FLNB: variants seen among roughly 807,000 people sequenced by gnomAD.
FLNB encodes the protein filamin B.
A neutral mutation model predicts 250.6 loss-of-function variants in FLNB; 111 were observed. The observed-to-expected ratio is 0.44, with a 90% CI of 0.38 to 0.52. The LOEUF is 0.52. FLNB is among the 20% of genes least tolerant of loss of function. The probability of loss-of-function intolerance (pLI) is 0.00; values close to 1 mark genes in which losing one functional copy is unlikely to be tolerated. For missense variants in FLNB, 2,869 were observed against 3,447.8 expected, an observed-to-expected ratio of 0.83 and a Z score of 4.20; for synonymous variants, 1,302 against 1,372.1, an observed-to-expected ratio of 0.95 and a Z score of 1.13.
chr3:58,125,134 T>G (rs1182536728), intron 22 of FLNB, among the ~76,000 whole-genome samples: 1 of 152,130 alleles, frequency 6.6e-6, no homozygotes, highest in East Asian at 1.9e-4. Flanking sequence ...TACTGTGGGA[T>G]TGTTTTGTTT....
chr3:58,052,486 G>A (rs527250300), intron 1 of FLNB, among the ~76,000 whole-genome samples: 6 of 152,172 alleles, frequency 3.9e-5, no homozygotes, highest in Non-Finnish European at 7.3e-5. Context: ...CACCCAGCCC[G>A]GTGAGTAAGA....
intron 16 of FLNB, 112 bp from the exon 17 acceptor site, chr3:58,111,679 C>A: frequency 1.3e-6 from 1 of 784,846 alleles, no homozygotes; most frequent in South Asian, 1.5e-5. Context: ...TAGAAGTCTG[C>A]TCACCACTCG....
chr3:58,148,660 A>G lies in FLNB; in HGVS notation c.5899A>G (p.Ile1967Val). 2 of 1,613,948 alleles carry G rather than the reference A, an allele frequency of 1.2e-6. No individual in the cohort carries two copies. Among genetic ancestry groups the G allele is most frequent in the Non-Finnish European group, 1.7e-6 (2 of 1,179,938 alleles). Residue 1967 changes from isoleucine to valine, a missense_variant, in exon 36 of 46, where the codon ATC (isoleucine) becomes GTC (valine). Around this residue, in one of 5 missense-constraint regions of FLNB, gnomAD observed 1,084 missense variants for 1,315.5 expected, o/e 0.82. Transcript: ENST00000295956. Reference protein sequence around the residue: ...LPNNHIGISFIPREVGEHLVS... With the variant: ...LPNNHIGISFVPREVGEHLVS... ...GTGTTCTGGTCCAGGCATCTCCTTC[A>G]TCCCCCGGGAAGTGGGCGAACATCT...
chr3:58,025,133 C>CT (rs57706596), intron 1 of FLNB, among the ~76,000 whole-genome samples: 3,534 of 116,414 alleles, frequency 0.03, 288 homozygotes, highest in African/African-American at 0.11. Flanking sequence ...TTCTTTCTTT[C>CT]TTTTTTTTTT....
intron 8 of FLNB, among the ~76,000 whole-genome samples, chr3:58,100,301 T>C (rs551934451): frequency 1.7e-4 from 26 of 149,664 alleles, no homozygotes; most frequent in African/African-American, 6.2e-4. Context: ...TAGCATTTAA[T>C]GAATAACCTT....
At chr3:58,089,558 A>G (rs2107012413) in intron 4 of FLNB, among the ~76,000 whole-genome samples, 1 of 152,020 alleles carries the variant, frequency 6.6e-6, no homozygotes, top group South Asian at 2.1e-4. Context: ...AAAAAAAAAA[A>G]AAAGGCTTCG....
chr3:58,070,828 T>C (rs1267478632), intron 1 of FLNB, among the ~76,000 whole-genome samples: 1 of 151,800 alleles, frequency 6.6e-6, no homozygotes, highest in Non-Finnish European at 1.5e-5. Flanking sequence ...CCCAGCAAAT[T>C]TTTAGAAGAG....
chr3:58,021,696 C>G (rs1330772757), intron 1 of FLNB, among the ~76,000 whole-genome samples: 1 of 152,224 alleles, frequency 6.6e-6, no homozygotes, highest in African/African-American at 2.4e-5. Flanking sequence ...TTTCTCAGCA[C>G]TATTGTCTGA....
At chr3:58,016,571 T>G (rs2097106095) in intron 1 of FLNB, among the ~76,000 whole-genome samples, 11 of 151,788 alleles carry the variant, frequency 7.2e-5, no homozygotes, top group Admixed American at 5.9e-4. Flanking sequence ...AGTTTCTTTT[T>G]AGATGACAAA....
intron 24 of FLNB, among the ~76,000 whole-genome samples, chr3:58,128,279 A>T (rs953200662): frequency 6.6e-6 from 1 of 152,078 alleles, no homozygotes; most frequent in Non-Finnish European, 1.5e-5. Flanking sequence ...TCTCTCTCAC[A>T]CTGATCAGAA....
In FLNB at chr3:58,145,968, T is replaced by C. The variant is rs2097335239; in HGVS notation, c.5473T>C (p.Ser1825Pro). 2 of 1,614,106 alleles carry C rather than the reference T, an allele frequency of 1.2e-6. No homozygotes were observed. The highest frequency in any genetic ancestry group is 1.3e-5 in the African/African-American group (1 of 74,920). Residue 1825 changes from serine (S) to proline (P), a missense_variant, in exon 33 of 46, where the codon TCT becomes CCT. Physicochemically the swap from Ser to Pro is moderately conservative, Grantham distance 74. Transcript: ENST00000295956. The part of the protein sequence containing the change: ...YVNYPNSGSV[S>P]AYGPGLVYGV... ...GAACTACCCCAACAGTGGAAGTGTTTCTGCATACGGTCCAGGCCTCGTGTA... is the reference window on the plus strand; with the variant it reads ...GAACTACCCCAACAGTGGAAGTGTTCCTGCATACGGTCCAGGCCTCGTGTA...
intron 1 of FLNB, among the ~76,000 whole-genome samples, chr3:58,034,199 C>A (rs143250951): frequency 6.6e-6 from 1 of 152,266 alleles, no homozygotes; most frequent in African/African-American, 2.4e-5. Flanking sequence ...ACATCTTTTA[C>A]TACTCTTTGT....
intron 43 of FLNB, among the ~76,000 whole-genome samples, chr3:58,166,937 C>T (rs2097371679): frequency 6.6e-6 from 1 of 152,086 alleles, no homozygotes; most frequent in Admixed American, 6.6e-5. Context: ...ACCAGCCTGG[C>T]CAACATGGTG....
At position 58,008,473 on chromosome 3, in the gene FLNB, G is replaced by A. The variant is rs933261268; in HGVS notation, c.-92G>A. 5 of 1,449,436 alleles carry A rather than the reference G, an allele frequency of 3.4e-6. No homozygotes were observed. In the East Asian group the frequency reaches 7.4e-5, roughly 21 times the overall value. 89.8% of individuals were successfully genotyped at this position (1,449,436 alleles called of 1,614,324 possible). A position where few individuals can be genotyped will look rare whatever the true frequency, so the allele number is the denominator to read the frequency against. On this transcript the variant is annotated 5_prime_UTR_variant, in exon 1 of 46. Coordinates refer to ENST00000295956, the MANE Select transcript of FLNB (RefSeq NM_001457.4). ...AGCAGCAAGTTCGAACCCCGCTCCC[G>A]CTCCGCTTCGGTTCTCGCTCCTTCG...
intron 4 of FLNB, among the ~76,000 whole-genome samples, chr3:58,090,306 CCTT>C (rs1406774449): frequency 6.6e-6 from 1 of 152,132 alleles, no homozygotes; most frequent in African/African-American, 2.4e-5. Context: ...AATAACAATG[CCTT>C]CTTCTAGAAT....
chr3:58,126,549 A>G, intron 23 of FLNB, 53 bp from the exon 24 acceptor site: 1 of 1,583,678 alleles, frequency 6.3e-7, no homozygotes. Context: ...GGCAATAAGC[A>G]GACCAGCATA....
At chr3:58,100,571 T>C (rs1167877204) in intron 8 of FLNB, among the ~76,000 whole-genome samples, 1 of 146,230 alleles carries the variant, frequency 6.8e-6, no homozygotes, top group Non-Finnish European at 1.5e-5. Context: ...TTTACCCTTT[T>C]TTTTTCTTTT....
chr3:58,055,454 A>G (rs907894511), intron 1 of FLNB, among the ~76,000 whole-genome samples: 2 of 152,180 alleles, frequency 1.3e-5, no homozygotes, highest in South Asian at 2.1e-4. Flanking sequence ...GTGACTTCCA[A>G]GAGTCTGCGT....
rs768974308 is a variant in FLNB at position 58,106,804 on chromosome 3, C to T, written c.1872C>T (p.Asp624=). 8.1e-6 allele frequency: 13 copies of T among 1,614,082 alleles called. No individual in the cohort carries two copies. The highest frequency in any genetic ancestry group is 3.3e-5 in the South Asian group (3 of 91,076). The part of the protein sequence containing the change: ...GEYAVHIMCD[D]EDIKDSPYMA... ...ATGCTGTTCACATCATGTGTGACGA[C>T]GAAGACATCAAGGACAGCCCGTACA... Residue 624 remains aspartate (D), a synonymous_variant, in exon 12 of 46, where the codon GAC becomes GAT. Transcript: ENST00000295956.
Sources: gnomAD v4.1 joint callset for allele counts (sites outside exome capture counted in the v4.1 genomes callset) on GRCh38, gnomAD v4.1.1 for gene constraint, gnomAD v4.1.1 regional missense constraint, MANE v1.5 for transcripts, NCBI Gene and HGNC (gene_info 2026-07-23, HGNC 2026-07-21) for gene names.